GOLPH3L: variants seen among roughly 807,000 people sequenced by gnomAD.
GOLPH3L encodes golgi phosphoprotein 3 like, also known as Golgi phosphoprotein 3-like.
A neutral mutation model predicts 30.3 loss-of-function variants in GOLPH3L; 22 were observed. The ratio of observed to expected loss-of-function variants is 0.73; its 90% CI spans 0.52 to 1.04. The LOEUF (loss-of-function observed/expected upper bound fraction) is 1.04. Ranked by LOEUF, GOLPH3L falls within the 50% of genes least tolerant of loss-of-function variation. The pLI is 0.00. For missense variants in GOLPH3L, 303 were observed against 345.8 expected (o/e 0.88, Z 0.98); for synonymous variants, 120 against 128.2 (o/e 0.94, Z 0.43).
chr1:150,666,734 TTTAG>T (rs1389003766), intron 2 of GOLPH3L, among the ~76,000 whole-genome samples: 2 of 152,202 alleles, frequency 1.3e-5, no homozygotes, highest in African/African-American at 2.4e-5. Context: ...AGAAGTTTTA[TTTAG>T]TTATTTTTCA....
At chr1:150,671,483 G>A (rs1417369600) in intron 2 of GOLPH3L, among the ~76,000 whole-genome samples, 2 of 152,002 alleles carry the variant, frequency 1.3e-5, no homozygotes, top group Non-Finnish European at 2.9e-5. Context: ...GAAGGTTAAA[G>A]ATCTTAAAAG....
At chr1:150,689,232 G>A (rs1204416600) in intron 2 of GOLPH3L, among the ~76,000 whole-genome samples, 1 of 152,078 alleles carries the variant, frequency 6.6e-6, no homozygotes, top group East Asian at 1.9e-4. Flanking sequence ...AGAAAGAGAG[G>A]ATGGTTGAAA....
chr1:150,677,517 G>C (rs1650839631), intron 2 of GOLPH3L, among the ~76,000 whole-genome samples: 2 of 151,980 alleles, frequency 1.3e-5, no homozygotes, highest in Admixed American at 1.3e-4. Context: ...GGGATTACAG[G>C]CGTGAGCCAC....
chr1:150,653,919 C>T (rs1349857456), intron 4 of GOLPH3L, among the ~76,000 whole-genome samples: 2 of 151,782 alleles, frequency 1.3e-5, no homozygotes, highest in African/African-American at 4.8e-5. Context: ...CCCACCACCA[C>T]GCCCAGCTAA....
At chr1:150,689,159 G>C (rs1346675984) in intron 2 of GOLPH3L, among the ~76,000 whole-genome samples, 1 of 152,134 alleles carries the variant, frequency 6.6e-6, no homozygotes, top group African/African-American at 2.4e-5. Flanking sequence ...ATGATGAAAA[G>C]CTTTTCTTTC....
At chr1:150,693,409 A>G (rs1651254592) in intron 2 of GOLPH3L, among the ~76,000 whole-genome samples, 1 of 152,196 alleles carries the variant, frequency 6.6e-6, no homozygotes, top group Non-Finnish European at 1.5e-5. Flanking sequence ...ATCTAAAATA[A>G]CATTCTAATT....
rs587652949 is a variant in GOLPH3L, at chr1:150,683,562, G to C, written c.183+11094C>G. On this transcript the variant is annotated intron_variant, in intron 2 of 4. Coordinates refer to ENST00000271732, the MANE Select transcript of GOLPH3L (RefSeq NM_018178.6). Reference sequence around the variant, plus strand: ...AAAAAAAAAAAAAAAAATTAGCTGGGCTTGGTGGTGGGAGCCTGTAATCCC... The same window carrying C: ...AAAAAAAAAAAAAAAAATTAGCTGGCCTTGGTGGTGGGAGCCTGTAATCCC... Among the ~76,000 whole-genome samples, 12 of 147,840 alleles carry C rather than the reference G, an allele frequency of 8.1e-5. No individual in the cohort carries two copies. In the East Asian group the frequency reaches 2.3e-3, roughly 29 times the overall value.
chr1:150,655,872 C>A (rs587722787), intron 4 of GOLPH3L, among the ~76,000 whole-genome samples: 5 of 152,316 alleles, frequency 3.3e-5, no homozygotes, highest in Admixed American at 6.5e-5. Context: ...TACTACAATT[C>A]TAAAAATTCG....
rs1650021362 is a variant in GOLPH3L, at chr1:150,647,945, A to G, written c.*376T>C. ...TTTATGATAGAAAACAAACTCAGAA[A>G]AATATAATAGATAGTTCACTTTTTA... On this transcript the variant is annotated 3_prime_UTR_variant, in exon 5 of 5. Transcript: ENST00000271732. 5.8e-6 allele frequency: 1 copy of G among 173,838 alleles called. No homozygotes were observed. The highest frequency in any genetic ancestry group is 1.2e-5 in the Non-Finnish European group (1 of 82,960). 10.8% of individuals were successfully genotyped at this position (173,838 alleles called of 1,614,324 possible). A position where few individuals can be genotyped will look rare whatever the true frequency, so the allele number is the denominator to read the frequency against.
intron 1 of GOLPH3L, 25 bp from the exon 2 acceptor site, chr1:150,694,875 A>T: frequency 1.6e-6 from 2 of 1,261,394 alleles, no homozygotes; most frequent in Non-Finnish European, 2.2e-6. Context: ...GAAAAAAAAA[A>T]TCCATATGTA....
At chr1:150,668,865 C>G (rs1650576020) in intron 2 of GOLPH3L, among the ~76,000 whole-genome samples, 1 of 152,038 alleles carries the variant, frequency 6.6e-6, no homozygotes. Flanking sequence ...AACATTTTAG[C>G]CAATATTAAA....
intron 4 of GOLPH3L, 83 bp downstream of exon 4, chr1:150,661,731 T>C (rs1274563314): frequency 1.3e-6 from 1 of 759,736 alleles, no homozygotes; most frequent in African/African-American, 1.7e-5. Flanking sequence ...GCACGATGAA[T>C]TTCGGTACAT....
At chr1:150,695,603 C>T (rs1004679092) in intron 1 of GOLPH3L, among the ~76,000 whole-genome samples, 6 of 152,020 alleles carry the variant, frequency 3.9e-5, no homozygotes, top group Admixed American at 6.6e-5. Context: ...TTTCTATAAA[C>T]GTTCCATGGT....
At chr1:150,689,093 C>T (rs886525032) in intron 2 of GOLPH3L, among the ~76,000 whole-genome samples, 3 of 152,052 alleles carry the variant, frequency 2.0e-5, no homozygotes, top group Non-Finnish European at 4.4e-5. Flanking sequence ...AATGTATTGC[C>T]ATATTTCCAA....
chr1:150,659,421 A>C (rs1176960289), intron 4 of GOLPH3L, among the ~76,000 whole-genome samples: 3 of 152,228 alleles, frequency 2.0e-5, no homozygotes, highest in Admixed American at 6.5e-5. Context: ...CTTAAACCAC[A>C]AACAATAGCA....
At chr1:150,673,006 TC>T (rs1265990838) in intron 2 of GOLPH3L, among the ~76,000 whole-genome samples, 1 of 152,026 alleles carries the variant, frequency 6.6e-6, no homozygotes, top group Admixed American at 6.6e-5. Context: ...GTTTTTTTTT[TC>T]CTTATCAAAA....
intron 4 of GOLPH3L, among the ~76,000 whole-genome samples, chr1:150,655,398 CA>C (rs1650216684): frequency 6.6e-6 from 1 of 152,094 alleles, no homozygotes; most frequent in African/African-American, 2.4e-5. Context: ...AGATTTATTA[CA>C]ACAATGGGGA....
intron 2 of GOLPH3L, among the ~76,000 whole-genome samples, chr1:150,673,369 G>C (rs11204692): frequency 0.39 from 58,345 of 151,490 alleles, 11,558 homozygotes; most frequent in South Asian, 0.55. Context: ...CGAGACCAGG[G>C]TGGCCAACAT....
rs201619730 is a variant in GOLPH3L, at chr1:150,671,333, ATTTAAAC to A, written c.184-7577_184-7571del. ...AAATTCTGGGTCAAATATTACACAT[ATTTAAAC>A]TTTAAAGATTGCACAATGGGAATTC... On this transcript the variant is annotated intron_variant, in intron 2 of 4. Transcript: ENST00000271732. Among the ~76,000 whole-genome samples the A allele has an allele frequency of 8.0e-3, 1,219 of 152,306 alleles. 8 individuals carry two copies. The highest frequency in any genetic ancestry group is 0.011 in the Non-Finnish European group (733 of 68,028).
Sources: allele counts gnomAD v4.1 joint callset (sites outside exome capture counted in the v4.1 genomes callset), GRCh38; gene constraint gnomAD v4.1.1; transcripts MANE v1.5; gene names NCBI Gene and HGNC (gene_info 2026-07-23, HGNC 2026-07-21).